The following THADA variants were observed in gnomAD, a reference collection of about 807,000 sequenced individuals.
The protein encoded by THADA is tRNA (32-2'-O)-methyltransferase regulator THADA.
THADA carries 213 observed loss-of-function variants against 219.8 expected under a neutral mutation model. That is an observed-to-expected ratio of 0.97 (90% CI 0.87 to 1.09). The LOEUF (loss-of-function observed/expected upper bound fraction) is 1.09. THADA is among the 50% of genes least tolerant of loss of function. The pLI is 0.00. For missense variants in THADA, 2,956 were observed against 2,311.3 expected (o/e 1.28, Z -5.72); for synonymous variants, 1,018 against 828.9 (o/e 1.23, Z -3.92).
chr2:43,238,140 A>C (rs1668249461), intron 36 of THADA, among the ~76,000 whole-genome samples: 1 of 147,108 alleles, frequency 6.8e-6, no homozygotes, highest in African/African-American at 2.5e-5. Context: ...AAAAAAAAAA[A>C]AAAAAAAAAA....
chr2:43,475,402 G>A (rs558611820), intron 26 of THADA, among the ~76,000 whole-genome samples: 5 of 140,034 alleles, frequency 3.6e-5, no homozygotes, highest in East Asian at 4.1e-4. Flanking sequence ...CAGCCTGGGC[G>A]ACAGAGCTAG....
chr2:43,442,553 T>C (rs141257719), intron 26 of THADA, among the ~76,000 whole-genome samples: 2 of 152,322 alleles, frequency 1.3e-5, no homozygotes, highest in African/African-American at 4.8e-5. Flanking sequence ...GCTGACTGGA[T>C]GACAAGAGGA....
chr2:43,275,800 G>T (rs1248718822), intron 36 of THADA, among the ~76,000 whole-genome samples: 1 of 152,106 alleles, frequency 6.6e-6, no homozygotes, highest in East Asian at 1.9e-4. Flanking sequence ...TACCTTCATG[G>T]GTTCCTCTCC....
chr2:43,461,528 AG>A (rs373793460), intron 26 of THADA, among the ~76,000 whole-genome samples: 62 of 152,306 alleles, frequency 4.1e-4, no homozygotes, highest in African/African-American at 1.5e-3. Context: ...TGTACCTGGA[AG>A]GAAGAGCTGT....
chr2:43,465,439 C>T (rs182474810), intron 26 of THADA, among the ~76,000 whole-genome samples: 23 of 152,228 alleles, frequency 1.5e-4, no homozygotes, highest in African/African-American at 4.1e-4. Context: ...GAGCTCAGAG[C>T]GTGGGTTAAG....
At chr2:43,304,079 C>A (rs535139493) in intron 31 of THADA, among the ~76,000 whole-genome samples, 4 of 152,210 alleles carry the variant, frequency 2.6e-5, no homozygotes, top group African/African-American at 9.6e-5. Context: ...TTTTTGTACA[C>A]CATGGCCCTT....
At chr2:43,454,885 T>A (rs1682795606) in intron 26 of THADA, among the ~76,000 whole-genome samples, 1 of 152,192 alleles carries the variant, frequency 6.6e-6, no homozygotes, top group Non-Finnish European at 1.5e-5. Flanking sequence ...CATTAACTTC[T>A]AAGTCCACTG....
At chr2:43,546,185 T>C (rs1696007036) in intron 20 of THADA, among the ~76,000 whole-genome samples, 1 of 152,016 alleles carries the variant, frequency 6.6e-6, no homozygotes, top group Admixed American at 6.5e-5. Flanking sequence ...TGAGTGGTTT[T>C]GAGTTTCTTA....
chr2:43,523,074 T>C (rs948889862), intron 22 of THADA, among the ~76,000 whole-genome samples: 8 of 152,014 alleles, frequency 5.3e-5, no homozygotes, highest in Admixed American at 6.6e-5. Flanking sequence ...GAAATGTAAA[T>C]AAAAGTTTAG....
At chr2:43,275,483 C>T (rs905276086) in intron 36 of THADA, among the ~76,000 whole-genome samples, 1 of 152,162 alleles carries the variant, frequency 6.6e-6, no homozygotes, top group Non-Finnish European at 1.5e-5. Context: ...GTCCCCATGG[C>T]CCATCCAGCT....
intron 36 of THADA, among the ~76,000 whole-genome samples, chr2:43,254,160 G>A (rs1283762365): frequency 1.3e-5 from 2 of 151,896 alleles, no homozygotes; most frequent in Non-Finnish European, 2.9e-5. Context: ...GATAGGCCTG[G>A]ACCCCAACTA....
At chr2:43,472,908 A>G (rs371966619) in intron 26 of THADA, among the ~76,000 whole-genome samples, 3 of 152,186 alleles carry the variant, frequency 2.0e-5, no homozygotes, top group African/African-American at 4.8e-5. Flanking sequence ...AAAATATGCT[A>G]TAAGAGATAA....
rs377707659 is a variant in THADA at position 43,558,374 on chromosome 2, G to C, written c.2464-1819C>G. 7.2e-5 allele frequency among the ~76,000 whole-genome samples: 11 copies of C among 152,268 alleles called. No homozygotes were observed. In the East Asian group the frequency reaches 1.3e-3, roughly 19 times the overall value. ...GACTTTGGAAATATAATATTGTGAT[G>C]GTTAATACTGAGTGTCAGCTTGATT... is the stretch of plus-strand genomic sequence containing the variant. On this transcript the variant is annotated intron_variant, in intron 16 of 37. Transcript: ENST00000405975.
intron 20 of THADA, among the ~76,000 whole-genome samples, chr2:43,546,965 C>G (rs565050287): frequency 1.3e-5 from 2 of 152,200 alleles, no homozygotes; most frequent in South Asian, 4.1e-4. Flanking sequence ...TCTTCCTAGC[C>G]TCAATGGTCT....
At chr2:43,273,764 T>C (rs1244359988) in intron 36 of THADA, among the ~76,000 whole-genome samples, 1 of 152,190 alleles carries the variant, frequency 6.6e-6, no homozygotes, top group African/African-American at 2.4e-5. Flanking sequence ...AATGTCACAG[T>C]GACCCAGGCC....
chr2:43,281,066 G>A (rs13030651), intron 35 of THADA, among the ~76,000 whole-genome samples: 78,573 of 151,972 alleles, frequency 0.52, 20,711 homozygotes, highest in Middle Eastern at 0.68. Flanking sequence ...AGACCACCAC[G>A]CAGCATCCCC....
chr2:43,578,417 G>T, intron 9 of THADA, 96 bp downstream of exon 9: 2 of 856,242 alleles, frequency 2.3e-6, no homozygotes, highest in Non-Finnish European at 3.6e-6. Flanking sequence ...AAAGTGTTGG[G>T]ATTATAAGTG....
At chr2:43,374,129 G>C (rs1671108799) in intron 29 of THADA, among the ~76,000 whole-genome samples, 1 of 152,118 alleles carries the variant, frequency 6.6e-6, no homozygotes, top group Admixed American at 6.5e-5. Context: ...ATTTTTATTG[G>C]ACATGCATTA....
intron 29 of THADA, among the ~76,000 whole-genome samples, chr2:43,368,939 A>C (rs1670488140): frequency 6.6e-6 from 1 of 152,144 alleles, no homozygotes; most frequent in South Asian, 2.1e-4. Flanking sequence ...ACTAGCTTTC[A>C]AGCTGTAAAA....
Sources: gnomAD v4.1 joint callset for allele counts (sites outside exome capture counted in the v4.1 genomes callset) on GRCh38, gnomAD v4.1.1 for gene constraint, MANE v1.5 for transcripts, NCBI Gene and HGNC (gene_info 2026-07-23, HGNC 2026-07-21) for gene names.